NFIB: variants seen among roughly 807,000 people sequenced by gnomAD.
NFIB encodes the protein nuclear factor 1 B-type.
In NFIB, 11 loss-of-function variants were observed where a neutral mutation model predicts 61.5. The observed-to-expected ratio is 0.18, with a 90% CI of 0.11 to 0.30. NFIB has a LOEUF of 0.30. Ranked by LOEUF, NFIB falls within the 10% of genes least tolerant of loss-of-function variation. NFIB has a pLI of 1.00. For missense variants in NFIB, 471 were observed against 608.9 expected, an observed-to-expected ratio of 0.77 and a Z score of 2.38; for synonymous variants, 260 against 216.5, an observed-to-expected ratio of 1.20 and a Z score of -1.76.
the NFIB span, among the ~76,000 whole-genome samples, chr9:14,412,811 G>C: frequency 2.0e-5 from 3 of 152,306 alleles, no homozygotes; most frequent in African/African-American, 7.2e-5. Context: ...TAGGGGTGGG[G>C]TATGGAGCTT....
chr9:14,095,304 T>A lies in NFIB; in HGVS notation c.1468-6978A>T, dbSNP rs1047116785. 2.0e-5 allele frequency among the ~76,000 whole-genome samples: 3 copies of A among 152,106 alleles called. No homozygotes were observed. The East Asian group carries it at 5.8e-4, about 29-fold the overall frequency. ...TATTATGAAGATGACTAATTATAAA[T>A]AAATTACAGTACACACATGCATACA... On this transcript the variant is annotated intron_variant, in intron 10 of 10. Transcript: ENST00000380953.
intron 1 of NFIB, among the ~76,000 whole-genome samples, chr9:14,375,573 G>T (rs149650285): frequency 2.6e-5 from 4 of 151,936 alleles, no homozygotes; most frequent in Non-Finnish European, 4.4e-5. Flanking sequence ...CAGAAGAATC[G>T]CTTGAAACCG....
intron 4 of NFIB, among the ~76,000 whole-genome samples, chr9:14,153,180 T>C (rs1224482994): frequency 1.3e-5 from 2 of 152,118 alleles, no homozygotes; most frequent in Non-Finnish European, 2.9e-5. Flanking sequence ...TTTGTAAAGA[T>C]AGCAATAAAA....
At chr9:14,179,630 A>T in intron 3 of NFIB, 97 bp downstream of exon 3, 1 of 1,345,888 alleles carries the variant, frequency 7.4e-7, no homozygotes, top group Non-Finnish European at 1.0e-6. Context: ...GCCAGAACAA[A>T]ATAGGCAGCT....
intron 10 of NFIB, among the ~76,000 whole-genome samples, chr9:14,097,923 A>G (rs1203769173): frequency 1.4e-5 from 2 of 144,990 alleles, no homozygotes; most frequent in African/African-American, 5.1e-5. Flanking sequence ...ACCAGATCCA[A>G]ATAACCTTTA....
At chr9:14,246,221 C>T (rs1200839034) in intron 2 of NFIB, among the ~76,000 whole-genome samples, 2 of 152,140 alleles carry the variant, frequency 1.3e-5, no homozygotes, top group South Asian at 2.1e-4. Context: ...ATAAGACCTT[C>T]AAGGGCTTTC....
the NFIB span, among the ~76,000 whole-genome samples, chr9:14,530,805 G>A: frequency 1.3e-5 from 2 of 151,692 alleles, no homozygotes; most frequent in South Asian, 2.1e-4. Context: ...GTCTTCCACT[G>A]TACTAATTGT....
At chr9:14,099,740 T>C (rs561691012) in intron 10 of NFIB, among the ~76,000 whole-genome samples, 82 of 152,294 alleles carry the variant, frequency 5.4e-4, no homozygotes, top group African/African-American at 1.9e-3. Context: ...CCATTATCAA[T>C]TATGTGCTTT....
At chr9:14,401,366 C>T (rs534091070), upstream of NFIB, among the ~76,000 whole-genome samples, 2 of 152,212 alleles carry the variant, frequency 1.3e-5, no homozygotes, top group South Asian at 4.2e-4. Context: ...AAATTTTGTC[C>T]TCGTGAGGCC....
intron 3 of NFIB, among the ~76,000 whole-genome samples, chr9:14,176,114 A>C (rs1158808388): frequency 6.6e-6 from 1 of 152,194 alleles, no homozygotes; most frequent in Non-Finnish European, 1.5e-5. Context: ...GTAGCAGTGG[A>C]GTTTTTAATT....
At chr9:14,462,184 A>C in the NFIB span, among the ~76,000 whole-genome samples, 1 of 152,270 alleles carries the variant, frequency 6.6e-6, no homozygotes, top group Non-Finnish European at 1.5e-5. Context: ...TCAGTGTTTC[A>C]GTCTGATGCA....
At chr9:14,176,204 A>G (rs1709538670) in intron 3 of NFIB, among the ~76,000 whole-genome samples, 1 of 151,638 alleles carries the variant, frequency 6.6e-6, no homozygotes, top group Non-Finnish European at 1.5e-5. Context: ...GTTGTTTGCT[A>G]TAACCAAGAG....
intron 1 of NFIB, among the ~76,000 whole-genome samples, chr9:14,355,459 C>G (rs1032914526): frequency 1.3e-5 from 2 of 152,148 alleles, no homozygotes; most frequent in African/African-American, 4.8e-5. Flanking sequence ...ATGGCAAGCG[C>G]AGCAAACCAA....
intron 2 of NFIB, among the ~76,000 whole-genome samples, chr9:14,229,717 G>A (rs1231286660): frequency 2.6e-5 from 4 of 152,074 alleles, no homozygotes; most frequent in South Asian, 2.1e-4. Context: ...GGGCTTCAGG[G>A]CCCAGTGCAA....
chr9:14,441,748 G>C, the NFIB span, among the ~76,000 whole-genome samples: 1 of 152,060 alleles, frequency 6.6e-6, no homozygotes, highest in Non-Finnish European at 1.5e-5. Context: ...TCACCAAGTG[G>C]CCATGTCTGC....
At chr9:14,392,367 G>T (rs1169920896) in intron 1 of NFIB, among the ~76,000 whole-genome samples, 1 of 152,216 alleles carries the variant, frequency 6.6e-6, no homozygotes, top group Non-Finnish European at 1.5e-5. Flanking sequence ...CAACAGAGTG[G>T]AGGGTATACA....
chr9:14,152,472 C>T (rs555059394), intron 4 of NFIB, among the ~76,000 whole-genome samples: 3 of 152,148 alleles, frequency 2.0e-5, no homozygotes, highest in East Asian at 1.9e-4. Flanking sequence ...ATTTCAGGGG[C>T]TCAAGTGAAG....
At chr9:14,312,281 T>A (rs2060315574) in intron 1 of NFIB, among the ~76,000 whole-genome samples, 1 of 152,266 alleles carries the variant, frequency 6.6e-6, no homozygotes. Flanking sequence ...AATTGAAATC[T>A]TAATTATTTG....
intron 2 of NFIB, among the ~76,000 whole-genome samples, chr9:14,225,014 T>TCTCAAGGC (rs1694226211): frequency 6.6e-6 from 1 of 152,152 alleles, no homozygotes; most frequent in Admixed American, 6.5e-5. Flanking sequence ...TTGCATTAAA[T>TCTCAAGGC]CTCAAGGCTT....
Sources: gnomAD v4.1 joint callset for allele counts (sites outside exome capture counted in the v4.1 genomes callset) on GRCh38, gnomAD v4.1.1 for gene constraint, MANE v1.5 for transcripts, NCBI Gene and HGNC (gene_info 2026-07-23, HGNC 2026-07-21) for gene names.